Variants in KIAA1143 observed in about 807,000 individuals in gnomAD.
KIAA1143 encodes the protein KIAA1143.
Under a neutral mutation model 17.0 loss-of-function variants are expected in KIAA1143, and 8 were observed. That is an observed-to-expected ratio of 0.47 (90% confidence interval 0.28 to 0.85). The LOEUF (loss-of-function observed/expected upper bound fraction) is 0.85, where lower values mean the gene tolerates loss of function less well. Ranked by LOEUF, KIAA1143 falls within the 40% of genes least tolerant of loss-of-function variation. The pLI, the probability that KIAA1143 is intolerant of heterozygous loss-of-function variation, is 0.12. For synonymous variants in KIAA1143, 64 were observed against 67.8 expected (o/e 0.94, Z 0.27); for missense variants, 162 against 183.3 (o/e 0.88, Z 0.67).
In KIAA1143 at chr3:44,761,422, T is replaced by G. The variant is rs890756162; in HGVS notation, c.108+73A>C. 7 of 1,246,288 alleles carry G rather than the reference T, an allele frequency of 5.6e-6. No individual in the cohort carries two copies. The Admixed American group carries it at 1.2e-4, about 21-fold the overall frequency. 77.2% of individuals were successfully genotyped at this position (1,246,288 alleles called of 1,614,324 possible). On this transcript the variant is annotated intron_variant, in intron 1 of 2. Coordinates refer to ENST00000296121, the MANE Select transcript of KIAA1143 (RefSeq NM_020696.4). ...AAGAGGGACCCGACAGCACCCACCCTCCAAGTAGAGGCAAAAGTTGAAAGT... is the reference window on the plus strand; with the variant it reads ...AAGAGGGACCCGACAGCACCCACCCGCCAAGTAGAGGCAAAAGTTGAAAGT...
In KIAA1143 at chr3:44,753,107, A is replaced by G. The variant is rs146877674; in HGVS notation, c.*234T>C. The G allele has an allele frequency of 1.1e-3, 350 of 325,062 alleles. 3 individuals are homozygous for G. Among genetic ancestry groups the G allele is most frequent in the African/African-American group, 5.4e-3 (254 of 46,826 alleles). The allele number at this position is 325,062 out of a possible 1,614,324, so 20.1% of individuals were successfully genotyped here. ...TATTTTGCTTAAAAATATAATTTACATATATATACAACCACACAAGGGAAA... is the reference window on the plus strand; with the variant it reads ...TATTTTGCTTAAAAATATAATTTACGTATATATACAACCACACAAGGGAAA... On this transcript the variant is annotated 3_prime_UTR_variant, in exon 3 of 3. Coordinates refer to ENST00000296121, the MANE Select transcript of KIAA1143 (RefSeq NM_020696.4).
intron 1 of KIAA1143, among the ~76,000 whole-genome samples, chr3:44,760,849 A>G (rs915941757): frequency 2.6e-5 from 4 of 151,724 alleles, no homozygotes; most frequent in African/African-American, 7.3e-5. Context: ...TGCCCGGCTA[A>G]TTTTTGTATT....
In KIAA1143 at chr3:44,749,934, TGTGTGTC is replaced by T. The variant is rs1704872283; in HGVS notation, c.*3400_*3406del. 1 of 152,116 alleles carries T rather than the reference TGTGTGTC, an allele frequency of 6.6e-6. No individual in the cohort carries two copies. 9.4% of individuals were successfully genotyped at this position (152,116 alleles called of 1,614,324 possible). On this transcript the variant is annotated 3_prime_UTR_variant, in exon 3 of 3. Coordinates refer to ENST00000296121, the MANE Select transcript of KIAA1143 (RefSeq NM_020696.4). ...CCTCCTGAGCAGCTGGGACTACAGGTGTGTGTCGCTACACCTGGCTATTTTTTATTTT... is the reference window on the plus strand; with the variant it reads ...CCTCCTGAGCAGCTGGGACTACAGGTGCTACACCTGGCTATTTTTTATTTT...
intron 1 of KIAA1143, among the ~76,000 whole-genome samples, chr3:44,757,793 G>C (rs1180989336): frequency 6.6e-6 from 1 of 152,164 alleles, no homozygotes; most frequent in Non-Finnish European, 1.5e-5. Context: ...TGGCATTTTG[G>C]AGATCCATCT....
intron 1 of KIAA1143, among the ~76,000 whole-genome samples, chr3:44,760,958 C>G (rs997085992): frequency 2.0e-5 from 3 of 152,316 alleles, no homozygotes; most frequent in East Asian, 1.9e-4. Flanking sequence ...TCCCAAAGTA[C>G]TGGGATTACA....
intron 1 of KIAA1143, among the ~76,000 whole-genome samples, chr3:44,757,457 G>A (rs182915475): frequency 1.2e-3 from 184 of 152,186 alleles, no homozygotes; most frequent in African/African-American, 3.8e-3. Context: ...AACCATGCTC[G>A]AGAGTCTATC....
intron 1 of KIAA1143, among the ~76,000 whole-genome samples, chr3:44,760,686 C>CA (rs1443969159): frequency 7.2e-6 from 1 of 139,162 alleles, no homozygotes; most frequent in East Asian, 2.0e-4. Flanking sequence ...CCAGGCCCGG[C>CA]TTTTTTTTTT....
rs1182840038 is a variant in KIAA1143, at chr3:44,753,056, A to T, written c.*285T>A. ...ACATTTGCAATACAGTTGTATTTAT[A>T]AAATTTTGTTTACACACAAAAAATG... is the stretch of plus-strand genomic sequence containing the variant. On this transcript the variant is annotated 3_prime_UTR_variant, in exon 3 of 3. Coordinates refer to ENST00000296121, the MANE Select transcript of KIAA1143 (RefSeq NM_020696.4). 1 of 228,692 alleles carries T rather than the reference A, an allele frequency of 4.4e-6. No homozygotes were observed. The allele number at this position is 228,692 out of a possible 1,614,324, so 14.2% of individuals were successfully genotyped here. A position where few individuals can be genotyped will look rare whatever the true frequency, so the allele number is the denominator to read the frequency against.
intron 1 of KIAA1143, among the ~76,000 whole-genome samples, chr3:44,754,751 A>G (rs914560112): frequency 7.2e-5 from 11 of 152,188 alleles, no homozygotes; most frequent in Non-Finnish European, 1.2e-4. Context: ...CAAGAAATAA[A>G]CACCATCAAA....
At chr3:44,760,103 T>C (rs1575560601) in intron 1 of KIAA1143, among the ~76,000 whole-genome samples, 7 of 152,252 alleles carry the variant, frequency 4.6e-5, no homozygotes, top group Admixed American at 6.5e-5. Context: ...GCTTCACACT[T>C]TTCTTCTGCA....
chr3:44,754,104 A>G, intron 2 of KIAA1143, 120 bp downstream of exon 2: 1 of 950,616 alleles, frequency 1.1e-6, no homozygotes, highest in Non-Finnish European at 1.6e-6. Flanking sequence ...TAAGTGTCAA[A>G]GCTAAGGCTT....
chr3:44,757,714 T>G (rs1210643411), intron 1 of KIAA1143, among the ~76,000 whole-genome samples: 1 of 152,104 alleles, frequency 6.6e-6, no homozygotes, highest in Non-Finnish European at 1.5e-5. Context: ...GAGTAACTGT[T>G]TGGAGAGCTT....
In KIAA1143 at chr3:44,753,430, C is replaced by T; in HGVS notation, c.376G>A (p.Val126Ile). Residue 126 changes from valine to isoleucine, a missense_variant, in exon 3 of 3, where the codon GTA (valine) becomes ATA (isoleucine). Physicochemically the swap from Val to Ile is conservative, Grantham distance 29 (BLOSUM62 3). Coordinates refer to ENST00000296121, the MANE Select transcript of KIAA1143 (RefSeq NM_020696.4). ...SKKKKPNEDE[V>I]NQDSVKKNSQ... Reference sequence around the variant, plus strand: ...TTCTTTTTGACCGAGTCCTGATTTACTTCATCTTCATTTGGCTTCTTCTTT... The same window carrying T: ...TTCTTTTTGACCGAGTCCTGATTTATTTCATCTTCATTTGGCTTCTTCTTT... The T allele has an allele frequency of 6.3e-7, 1 of 1,596,228 alleles. No homozygotes were observed. Among genetic ancestry groups the T allele is most frequent in the Non-Finnish European group, 8.6e-7 (1 of 1,164,198 alleles).
intron 1 of KIAA1143, 44 bp downstream of exon 1, chr3:44,761,451 G>A: frequency 6.8e-7 from 1 of 1,481,408 alleles, no homozygotes; most frequent in East Asian, 2.3e-5. Context: ...TGAAAGTGGC[G>A]GGCTGGCTGC....
chr3:44,755,596 C>T lies in KIAA1143; in HGVS notation c.109-1228G>A, dbSNP rs116103451. Among the ~76,000 whole-genome samples the T allele has an allele frequency of 7.9e-3, 1,210 of 152,302 alleles. 11 individuals are homozygous for T. Among genetic ancestry groups the T allele is most frequent in the Non-Finnish European group, 0.013 (853 of 68,022 alleles). On this transcript the variant is annotated intron_variant, in intron 1 of 2. Coordinates refer to ENST00000296121, the MANE Select transcript of KIAA1143 (RefSeq NM_020696.4). ...ATTAGCTCCTTTGCTTCCCCTGTCT[C>T]TGAACAAATTCCTACGGCTTATTAA... is the stretch of plus-strand genomic sequence containing the variant.
rs1172893497 is a variant in KIAA1143, at chr3:44,749,173, G to A, written c.*4168C>T. 1 of 152,132 alleles carries A rather than the reference G, an allele frequency of 6.6e-6. No homozygotes were observed. The highest frequency in any genetic ancestry group is 1.5e-5 in the Non-Finnish European group (1 of 68,044). 9.4% of individuals were successfully genotyped at this position (152,132 alleles called of 1,614,324 possible). The stretch of plus-strand genomic sequence containing the variant: ...GGAGGCCGAGGCAGGTGGATCATGA[G>A]GTCAGGAGATTGAGACCATCCTGGC... On this transcript the variant is annotated 3_prime_UTR_variant, in exon 3 of 3. Coordinates refer to ENST00000296121, the MANE Select transcript of KIAA1143 (RefSeq NM_020696.4).
chr3:44,755,283 G>A (rs1365146544), intron 1 of KIAA1143, among the ~76,000 whole-genome samples: 1 of 151,908 alleles, frequency 6.6e-6, no homozygotes, highest in Non-Finnish European at 1.5e-5. Context: ...ACCCATTTTT[G>A]CTCACTTTTG....
intron 1 of KIAA1143, among the ~76,000 whole-genome samples, chr3:44,756,505 G>A (rs1704976137): frequency 6.6e-6 from 1 of 152,222 alleles, no homozygotes; most frequent in African/African-American, 2.4e-5. Context: ...GGAGGTTGCA[G>A]TGAGCTGAGA....
chr3:44,756,602 T>C (rs1254585364), intron 1 of KIAA1143, among the ~76,000 whole-genome samples: 1 of 152,224 alleles, frequency 6.6e-6, no homozygotes, highest in African/African-American at 2.4e-5. Flanking sequence ...AGCTTAATTA[T>C]GGAATGATTT....
Sources: allele counts gnomAD v4.1 joint callset (sites outside exome capture counted in the v4.1 genomes callset), GRCh38; gene constraint gnomAD v4.1.1; transcripts MANE v1.5; gene names NCBI Gene and HGNC (gene_info 2026-07-23, HGNC 2026-07-21).